AGBL4: variants seen among roughly 807,000 people sequenced by gnomAD.
AGBL4 encodes the protein cytosolic carboxypeptidase 6.
AGBL4 carries 58 observed loss-of-function variants against 66.4 expected under a neutral mutation model. The ratio of observed to expected loss-of-function variants is 0.87; its 90% CI spans 0.71 to 1.09. The LOEUF (loss-of-function observed/expected upper bound fraction) is 1.09, where lower values mean the gene tolerates loss of function less well. AGBL4 is among the 50% of genes least tolerant of loss of function. The probability of loss-of-function intolerance (pLI) is 0.00; values close to 1 mark genes in which losing one functional copy is unlikely to be tolerated. For missense variants in AGBL4, 579 were observed against 631.0 expected (o/e 0.92, Z 0.88); for synonymous variants, 234 against 222.9 (o/e 1.05, Z -0.44).
chr1:49,830,172 G>C (rs1645625541), intron 2 of AGBL4, among the ~76,000 whole-genome samples: 1 of 152,094 alleles, frequency 6.6e-6, no homozygotes, highest in African/African-American at 2.4e-5. Flanking sequence ...TCTGGTTCTA[G>C]ATCCTTGAGG....
Position 49,486,677 on chromosome 1 carries a change from TA to T in AGBL4, c.282+210635del, listed in dbSNP as rs369563115. 4.4e-3 allele frequency among the ~76,000 whole-genome samples: 667 copies of T among 152,106 alleles called. 7 individuals carry two copies. Among genetic ancestry groups the T allele is most frequent in the African/African-American group, 0.015 (625 of 41,542 alleles). On this transcript the variant is annotated intron_variant, in intron 3 of 13. Transcript: ENST00000371839. ...TTTCAGCATCACTTTTCACTTTAAGTAACAGGAAATCCCATTGTCCCATCTC... is the reference window on the plus strand; with the variant it reads ...TTTCAGCATCACTTTTCACTTTAAGTACAGGAAATCCCATTGTCCCATCTC...
intron 4 of AGBL4, among the ~76,000 whole-genome samples, chr1:49,064,923 A>G (rs1486231241): frequency 6.6e-6 from 1 of 152,228 alleles, no homozygotes; most frequent in Non-Finnish European, 1.5e-5. Context: ...TTCCCAATCT[A>G]TAAGGTTACA....
At chr1:48,880,623 C>T (rs1420614953) in intron 5 of AGBL4, among the ~76,000 whole-genome samples, 1 of 152,098 alleles carries the variant, frequency 6.6e-6, no homozygotes, top group East Asian at 1.9e-4. Context: ...TCCATGCCAA[C>T]ACCTATTATT....
chr1:49,600,741 C>G (rs1644941517), intron 3 of AGBL4, among the ~76,000 whole-genome samples: 1 of 152,198 alleles, frequency 6.6e-6, no homozygotes, highest in Non-Finnish European at 1.5e-5. Context: ...TTTGCAGTTG[C>G]TGCTACCAGT....
intron 3 of AGBL4, among the ~76,000 whole-genome samples, chr1:49,384,753 T>C (rs1258689339): frequency 2.6e-5 from 4 of 152,070 alleles, no homozygotes; most frequent in Non-Finnish European, 4.4e-5. Flanking sequence ...AGAAAATAAG[T>C]GTTGACAAGA....
chr1:48,707,215 G>A (rs919361677), intron 6 of AGBL4, among the ~76,000 whole-genome samples: 1 of 152,128 alleles, frequency 6.6e-6, no homozygotes, highest in East Asian at 1.9e-4. Flanking sequence ...GGTCGCTTGA[G>A]CCCAGGAGGC....
intron 1 of AGBL4, among the ~76,000 whole-genome samples, chr1:50,000,714 T>C (rs867703691): frequency 6.6e-6 from 1 of 152,262 alleles, no homozygotes; most frequent in South Asian, 2.1e-4. Flanking sequence ...ATGGTATATA[T>C]ACACCATGGA....
intron 6 of AGBL4, among the ~76,000 whole-genome samples, chr1:48,673,951 A>G (rs1403872619): frequency 1.3e-5 from 2 of 152,160 alleles, no homozygotes; most frequent in African/African-American, 4.8e-5. Context: ...CCTCCCCTGT[A>G]GCCCATTTTC....
rs192507820 is a variant in AGBL4 at position 49,600,055 on chromosome 1, G to A, written c.282+97258C>T. On this transcript the variant is annotated intron_variant, in intron 3 of 13. Transcript: ENST00000371839. The stretch of plus-strand genomic sequence containing the variant: ...TTATGTGGTCAGTTTTAGAATAAAT[G>A]CTATGTGGTGCTGAGAAGAATGTAT... Among the ~76,000 whole-genome samples, 170 of 152,314 alleles carry A rather than the reference G, an allele frequency of 1.1e-3. 1 individual carries two copies. The highest frequency in any genetic ancestry group is 4.0e-3 in the African/African-American group (167 of 41,564).
At chr1:49,132,000 C>A (rs531539926) in intron 4 of AGBL4, among the ~76,000 whole-genome samples, 24 of 152,110 alleles carry the variant, frequency 1.6e-4, no homozygotes, top group Admixed American at 1.4e-3. Context: ...TAGTTAATGA[C>A]AATGGAGTAG....
intron 3 of AGBL4, among the ~76,000 whole-genome samples, chr1:49,514,568 T>C (rs974205141): frequency 5.9e-5 from 9 of 151,708 alleles, no homozygotes; most frequent in Admixed American, 2.6e-4. Flanking sequence ...AAAAAGAGCC[T>C]GCATCACCAA....
chr1:49,332,216 C>T (rs551712418), intron 3 of AGBL4, among the ~76,000 whole-genome samples: 13 of 152,278 alleles, frequency 8.5e-5, no homozygotes, highest in African/African-American at 3.1e-4. Flanking sequence ...AGAATGATAA[C>T]ATTTCTGAGG....
rs193088585 is a variant in AGBL4, at chr1:48,771,017, C to A, written c.634+96174G>T. On this transcript the variant is annotated intron_variant, in intron 6 of 13. Coordinates refer to ENST00000371839, the MANE Select transcript of AGBL4 (RefSeq NM_032785.4). ...CTCTTTTCTTGGGTAAAACAAAAAT[C>A]TCTATCTCACAAGGATGTAGAATAT... Among the ~76,000 whole-genome samples the A allele has an allele frequency of 9.2e-5, 14 of 152,328 alleles. No individual in the cohort carries two copies. The East Asian group carries it at 2.7e-3, about 29-fold the overall frequency.
At chr1:49,281,943 T>C (rs927768239) in intron 3 of AGBL4, among the ~76,000 whole-genome samples, 1 of 152,210 alleles carries the variant, frequency 6.6e-6, no homozygotes, top group African/African-American at 2.4e-5. Flanking sequence ...GAAGGGGCTG[T>C]GGAAACTGCC....
At chr1:49,646,617 T>A (rs1645893706) in intron 3 of AGBL4, among the ~76,000 whole-genome samples, 1 of 152,024 alleles carries the variant, frequency 6.6e-6, no homozygotes, top group Non-Finnish European at 1.5e-5. Flanking sequence ...TAAACTGATC[T>A]GTAGATTCAG....
chr1:48,622,912 C>A (rs1175402906), intron 9 of AGBL4, among the ~76,000 whole-genome samples: 2 of 152,180 alleles, frequency 1.3e-5, no homozygotes, highest in African/African-American at 2.4e-5. Context: ...AACAAGGACA[C>A]TGAAGCTCAG....
intron 3 of AGBL4, among the ~76,000 whole-genome samples, chr1:49,601,761 C>T (rs780788543): frequency 4.6e-5 from 7 of 152,124 alleles, no homozygotes; most frequent in East Asian, 1.9e-4. Context: ...TAGAAGAAAA[C>T]GTAGGCAACA....
At chr1:48,754,113 G>A (rs4926753) in intron 6 of AGBL4, among the ~76,000 whole-genome samples, 24,485 of 152,124 alleles carry the variant, frequency 0.16, 2,434 homozygotes, top group East Asian at 0.47. Context: ...GAATTATACT[G>A]TCTAAGTGGT....
At chr1:49,409,211 C>T (rs1193704020) in intron 3 of AGBL4, among the ~76,000 whole-genome samples, 3 of 149,560 alleles carry the variant, frequency 2.0e-5, no homozygotes, top group Non-Finnish European at 4.4e-5. Flanking sequence ...AAATTGATAC[C>T]AATACTTTTT....
Sources: allele counts gnomAD v4.1 joint callset (sites outside exome capture counted in the v4.1 genomes callset), GRCh38; gene constraint gnomAD v4.1.1; transcripts MANE v1.5; gene names NCBI Gene and HGNC (gene_info 2026-07-23, HGNC 2026-07-21).